The following BNIP5 variants were observed in gnomAD, a reference collection of about 807,000 sequenced individuals.
BNIP5 encodes the protein BCL2 interacting protein 5, also known as protein BNIP5.
Under a neutral mutation model 67.3 loss-of-function variants are expected in BNIP5, and 61 were observed. That is an observed-to-expected ratio of 0.91 (90% CI 0.74 to 1.12). BNIP5 has a LOEUF of 1.12. Among genes scored for constraint, BNIP5 ranks in the 50% most tolerant of loss-of-function variants. The pLI, the probability that BNIP5 is intolerant of heterozygous loss-of-function variation, is 0.00. For synonymous variants in BNIP5, 317 were observed against 319.0 expected (o/e 0.99, Z 0.07); for missense variants, 826 against 816.3 (o/e 1.01, Z -0.14).
chr6:36,331,405 G>A (rs7761392), intron 1 of BNIP5, among the ~76,000 whole-genome samples: 31,934 of 152,084 alleles, frequency 0.21, 4,301 homozygotes, highest in East Asian at 0.45. Flanking sequence ...AATTCATCTT[G>A]TCCAAAGCCA....
At chr6:36,333,274 G>A (rs1006662467) in intron 1 of BNIP5, among the ~76,000 whole-genome samples, 17 of 152,236 alleles carry the variant, frequency 1.1e-4, no homozygotes, top group Non-Finnish European at 2.4e-4. Flanking sequence ...GACCTTGGAG[G>A]AAATGAGAAA....
rs775778632 is a variant in BNIP5 at position 36,325,322 on chromosome 6, G to C, written c.1129C>G (p.Pro377Ala). 6.2e-7 allele frequency: 1 copy of C among 1,614,176 alleles called. No individual in the cohort carries two copies. Among genetic ancestry groups the C allele is most frequent in the South Asian group, 1.1e-5 (1 of 91,074 alleles). ...VLPTPSESQE[P>A]GEELPLDRAS... ...CTGTCCAGCGGAAGCTCCTCTCCAG[G>C]TTCCTGGCTCTCTGATGGGGTGGGA... Residue 377 changes from proline (P) to alanine (A), a missense_variant, in exon 6 of 12, where the codon CCT becomes GCT. Transcript: ENST00000437635.
rs567026527 is a variant in BNIP5, at chr6:36,330,303, A to G, written c.388T>C (p.Ser130Pro). ...GCTTCCAGGGGCTCCGGATGCTGGGAGATACCCTCCTTCCCCCTTGGCCTC... is the reference window on the plus strand; with the variant it reads ...GCTTCCAGGGGCTCCGGATGCTGGGGGATACCCTCCTTCCCCCTTGGCCTC... ...SRRPRGKEGI[S>P]QHPEPLEAAG... Residue 130 changes from serine (S) to proline (P), a missense_variant, in exon 2 of 12, where the codon TCC (serine) becomes CCC (proline). Coordinates refer to ENST00000437635, the MANE Select transcript of BNIP5 (RefSeq NM_001010903.5). 5 of 1,614,002 alleles carry G rather than the reference A, an allele frequency of 3.1e-6. No homozygotes were observed. Among genetic ancestry groups the G allele is most frequent in the African/African-American group, 1.3e-5 (1 of 74,962 alleles).
chr6:36,324,056 G>C (rs1771698362), intron 7 of BNIP5, 73 bp downstream of exon 7: 1 of 1,093,238 alleles, frequency 9.1e-7, no homozygotes, highest in Non-Finnish European at 1.4e-6. Context: ...GCAGAGACAG[G>C]GAAGTTGTTA....
At chr6:36,319,690 C>G in intron 10 of BNIP5, 80 bp from the exon 11 acceptor site, 1 of 1,522,444 alleles carries the variant, frequency 6.6e-7, no homozygotes, top group Non-Finnish European at 8.9e-7. Context: ...CAACTCCATG[C>G]AGCCAGGCGG....
At chr6:36,323,140 C>G (rs965624985) in intron 8 of BNIP5, among the ~76,000 whole-genome samples, 153 bp downstream of exon 8, 1 of 152,230 alleles carries the variant, frequency 6.6e-6, no homozygotes, top group African/African-American at 2.4e-5. Context: ...ACTTCCACAC[C>G]CCCCACTCTA....
chr6:36,322,682 G>T (rs532128184), intron 8 of BNIP5, among the ~76,000 whole-genome samples: 429 of 152,270 alleles, frequency 2.8e-3, no homozygotes, highest in Admixed American at 7.7e-3. Context: ...GTTAAAACAG[G>T]TGTGCCAGCA....
intron 9 of BNIP5, 65 bp from the exon 10 acceptor site, chr6:36,321,284 C>T (rs1561881355): frequency 8.8e-7 from 1 of 1,137,868 alleles, no homozygotes; most frequent in South Asian, 1.3e-5. Flanking sequence ...CTTCCAAAAA[C>T]AAAGTGCTGC....
At chr6:36,334,229 C>T (rs972096029) in intron 1 of BNIP5, among the ~76,000 whole-genome samples, 1 of 152,146 alleles carries the variant, frequency 6.6e-6, no homozygotes, top group Non-Finnish European at 1.5e-5. Context: ...CTGGAATAAC[C>T]GGTGCCCTGA....
chr6:36,326,681 TC>T lies in BNIP5; in HGVS notation c.864del (p.Lys290ArgfsTer132). The T allele has an allele frequency of 6.2e-7, 1 of 1,614,248 alleles. No individual in the cohort carries two copies. The highest frequency in any genetic ancestry group is 8.5e-7 in the Non-Finnish European group (1 of 1,180,046). ...GAGGTTCTCTTGAGGCTTGTCTTTT[TC>T]TCTTGGGATTTCTTCCTAACAGCTG... ...PAPAVRKKSQ[E>X]KKTSLKRTSK... On this transcript the variant is annotated frameshift_variant, in exon 5 of 12. Transcript: ENST00000437635. LOFTEE classifies it high-confidence loss of function.
intron 1 of BNIP5, 41 bp from the exon 2 acceptor site, chr6:36,330,735 T>G (rs1271866187): frequency 6.6e-7 from 1 of 1,510,404 alleles, no homozygotes; most frequent in Non-Finnish European, 8.8e-7. Flanking sequence ...TTTTTGTTTG[T>G]TTGTTTTGAT....
At chr6:36,319,698 CG>C (rs1249349573) in intron 10 of BNIP5, 88 bp from the exon 11 acceptor site, 1 of 1,477,176 alleles carries the variant, frequency 6.8e-7, no homozygotes, top group Non-Finnish European at 9.2e-7. Flanking sequence ...TGCAGCCAGG[CG>C]GGGCACTCCT....
At position 36,324,087 on chromosome 6, in the gene BNIP5, C is replaced by G. The variant is rs372752098; in HGVS notation, c.1230+42G>C. ...TGTTACACCAGGCAGGGTTGGGGAG[C>G]CCACAGTGAGGTCAGGGTTACATGG... On this transcript the variant is annotated intron_variant, in intron 7 of 11. Coordinates refer to ENST00000437635, the MANE Select transcript of BNIP5 (RefSeq NM_001010903.5). The G allele has an allele frequency of 4.0e-6, 6 of 1,507,886 alleles. No homozygotes were observed. In the African/African-American group the frequency reaches 8.3e-5, roughly 21 times the overall value. The allele number at this position is 1,507,886 out of a possible 1,614,324, so 93.4% of individuals were successfully genotyped here.
At chr6:36,331,717 T>A (rs1455808571) in intron 1 of BNIP5, among the ~76,000 whole-genome samples, 1 of 152,182 alleles carries the variant, frequency 6.6e-6, no homozygotes, top group Non-Finnish European at 1.5e-5. Context: ...AAAATAGATA[T>A]GGGGTCTTGC....
At chr6:36,327,839 T>TA in intron 3 of BNIP5, among the ~76,000 whole-genome samples, 1 of 144,850 alleles carries the variant, frequency 6.9e-6, no homozygotes, top group Non-Finnish European at 1.5e-5. Flanking sequence ...TGGGTTTGCT[T>TA]TTTTTTTTTT....
At position 36,325,896 on chromosome 6, in the gene BNIP5, G is replaced by A. The variant is rs114753907; in HGVS notation, c.1037-482C>T. Among the ~76,000 whole-genome samples, 210 of 152,256 alleles carry A rather than the reference G, an allele frequency of 1.4e-3. 1 individual carries two copies. Among genetic ancestry groups the A allele is most frequent in the African/African-American group, 4.6e-3 (191 of 41,548 alleles). On this transcript the variant is annotated intron_variant, in intron 5 of 11. Transcript: ENST00000437635. ...AGAAATGACTTGTCTGATCCTTTCC[G>A]CCTCTAGCTCTGGCCCCATCATCCA...
chr6:36,333,077 C>G (rs536585037), intron 1 of BNIP5, among the ~76,000 whole-genome samples: 3 of 152,114 alleles, frequency 2.0e-5, no homozygotes, highest in Admixed American at 6.5e-5. Context: ...TGTGTGGGAT[C>G]CACAGGAAAG....
Position 36,325,373 on chromosome 6 carries a change from C to A in BNIP5, c.1078G>T (p.Ala360Ser), listed in dbSNP as rs1582128493. The A allele has an allele frequency of 1.2e-6, 2 of 1,614,054 alleles. No individual in the cohort carries two copies. Among genetic ancestry groups the A allele is most frequent in the African/African-American group, 1.3e-5 (1 of 75,044 alleles). The change falls in exon 6 of 12, where the codon GCT (alanine) becomes TCT (serine). Residue 360 changes from alanine to serine, a missense_variant. Transcript: ENST00000437635. ...AGCACGGAGGGACCTGGAGCCCCAG[C>A]CTCTGTAGATGGGGCCTCCTGGACT... The part of the protein sequence containing the change: ...PKVQEAPSTE[A>S]GAPGPSVLPT...
intron 6 of BNIP5, among the ~76,000 whole-genome samples, chr6:36,324,787 C>A (rs902771207): frequency 1.0e-4 from 15 of 150,742 alleles, no homozygotes; most frequent in African/African-American, 3.7e-4. Flanking sequence ...GCTGGGCCAC[C>A]CAACAATGAC....
Sources: allele counts gnomAD v4.1 joint callset (sites outside exome capture counted in the v4.1 genomes callset), GRCh38; gene constraint gnomAD v4.1.1; transcripts MANE v1.5; gene names NCBI Gene and HGNC (gene_info 2026-07-23, HGNC 2026-07-21).